IMMP1L: variants seen among roughly 807,000 people sequenced by gnomAD.
The protein encoded by IMMP1L is inner mitochondrial membrane peptidase subunit 1, also known as mitochondrial inner membrane protease subunit 1.
Under a neutral mutation model 21.8 loss-of-function variants are expected in IMMP1L, and 24 were observed. The ratio of observed to expected loss-of-function variants is 1.10; its 90% confidence interval spans 0.80 to 1.55. The LOEUF (loss-of-function observed/expected upper bound fraction) is 1.55. Ranked by LOEUF, IMMP1L falls within the 40% of genes most tolerant of loss-of-function variation. The pLI is 0.00. For missense variants in IMMP1L, 195 were observed against 200.7 expected, an observed-to-expected ratio of 0.97 and a Z score of 0.17; for synonymous variants, 46 against 62.8, an observed-to-expected ratio of 0.73 and a Z score of 1.26.
chr11:31,453,154 TG>T, intron 4 of IMMP1L: 1 of 1,253,774 alleles, frequency 8.0e-7, no homozygotes, highest in Non-Finnish European at 1.0e-6. Flanking sequence ...TTTAAAACTC[TG>T]GAATGGAAAA....
chr11:31,501,961 G>A (rs1037166749), intron 1 of IMMP1L, among the ~76,000 whole-genome samples: 2 of 151,310 alleles, frequency 1.3e-5, no homozygotes, highest in Non-Finnish European at 2.9e-5. Flanking sequence ...CTGGGCAACA[G>A]AGTAAGACTG....
chr11:31,433,895 G>A (rs1031876333), intron 4 of IMMP1L: 2 of 182,212 alleles, frequency 1.1e-5, no homozygotes, highest in Non-Finnish European at 2.3e-5. Flanking sequence ...CTTCAAAAGA[G>A]GTCATTAGGA....
At chr11:31,479,692 T>C (rs1291695473) in intron 1 of IMMP1L, among the ~76,000 whole-genome samples, 2 of 152,002 alleles carry the variant, frequency 1.3e-5, no homozygotes, top group Non-Finnish European at 2.9e-5. Flanking sequence ...ATGTTTATAT[T>C]GATTACGTAT....
At chr11:31,497,532 G>T (rs759836009) in intron 1 of IMMP1L, among the ~76,000 whole-genome samples, 1 of 146,702 alleles carries the variant, frequency 6.8e-6, no homozygotes, top group African/African-American at 2.5e-5. Context: ...TGCGATCTCC[G>T]CTCACCGCAA....
At chr11:31,456,185 A>G in intron 4 of IMMP1L, 75 bp downstream of exon 4, 2 of 1,034,124 alleles carry the variant, frequency 1.9e-6, no homozygotes, top group Non-Finnish European at 2.7e-6. Flanking sequence ...AATAAACATT[A>G]TTTTCTTTTG....
chr11:31,458,681 A>G (rs1954030945), intron 3 of IMMP1L, among the ~76,000 whole-genome samples: 1 of 152,186 alleles, frequency 6.6e-6, no homozygotes, highest in South Asian at 2.1e-4. Flanking sequence ...GGACAGTAAT[A>G]TTTCTTAAGT....
At chr11:31,460,585 A>G (rs761658032) in intron 3 of IMMP1L, 41 bp downstream of exon 3, 4 of 1,245,854 alleles carry the variant, frequency 3.2e-6, no homozygotes, top group Non-Finnish European at 3.5e-6. Context: ...GTGTGTGTGT[A>G]TTTTCACTGT....
At chr11:31,469,198 T>C (rs1954461940) in intron 1 of IMMP1L, among the ~76,000 whole-genome samples, 1 of 152,096 alleles carries the variant, frequency 6.6e-6, no homozygotes. Flanking sequence ...TGCTATAAAA[T>C]AGTACTAAAT....
intron 1 of IMMP1L, among the ~76,000 whole-genome samples, chr11:31,479,311 T>C (rs928928896): frequency 6.6e-6 from 1 of 152,018 alleles, no homozygotes; most frequent in Non-Finnish European, 1.5e-5. Context: ...AACATATCTG[T>C]ACAATGTCTG....
intron 4 of IMMP1L, chr11:31,437,045 A>T: frequency 2.9e-6 from 1 of 340,824 alleles, no homozygotes; most frequent in Non-Finnish European, 5.9e-6. Flanking sequence ...ATCTAACAAG[A>T]TCTCTATAAA....
At chr11:31,491,319 A>G (rs1353748063) in intron 1 of IMMP1L, among the ~76,000 whole-genome samples, 2 of 152,242 alleles carry the variant, frequency 1.3e-5, no homozygotes, top group Non-Finnish European at 2.9e-5. Flanking sequence ...TAAAGAATAC[A>G]TACATTATCA....
At position 31,500,915 on chromosome 11, in the gene IMMP1L, C is replaced by A. The variant is rs184329181; in HGVS notation, c.-30+8604G>T. Among the ~76,000 whole-genome samples the A allele has an allele frequency of 3.0e-3, 451 of 152,216 alleles. 2 individuals carry two copies. The highest frequency in any genetic ancestry group is 1.0e-2 in the African/African-American group (415 of 41,522). ...AGGCCTAAAATATTTACTATTTGGT[C>A]TTTTATAGAAAAAGGTTGCCAAAGC... On this transcript the variant is annotated intron_variant, in intron 1 of 5. Coordinates refer to ENST00000532287, the MANE Select transcript of IMMP1L (RefSeq NM_001304274.2).
chr11:31,477,523 T>A, intron 1 of IMMP1L: 3 of 984,420 alleles, frequency 3.0e-6, no homozygotes, highest in Non-Finnish European at 3.6e-6. Context: ...TGTTGTTGTT[T>A]ATAAAATTAA....
At chr11:31,443,896 AAC>A (rs1159390684) in intron 4 of IMMP1L, among the ~76,000 whole-genome samples, 3 of 152,152 alleles carry the variant, frequency 2.0e-5, no homozygotes, top group South Asian at 2.1e-4. Context: ...GCTTTTTACT[AAC>A]AGTCTCTCTT....
At chr11:31,489,192 C>T (rs979408848) in intron 1 of IMMP1L, among the ~76,000 whole-genome samples, 4 of 152,114 alleles carry the variant, frequency 2.6e-5, no homozygotes, top group East Asian at 3.9e-4. Context: ...TCACCGCACC[C>T]GGCCAAAAAG....
chr11:31,467,225 T>A (rs988619131), intron 1 of IMMP1L, among the ~76,000 whole-genome samples: 11 of 152,138 alleles, frequency 7.2e-5, no homozygotes, highest in African/African-American at 2.7e-4. Context: ...ATTTGAGTTA[T>A]CAAAACAAAT....
At chr11:31,458,354 A>G (rs1218201377) in intron 3 of IMMP1L, among the ~76,000 whole-genome samples, 2 of 152,148 alleles carry the variant, frequency 1.3e-5, no homozygotes, top group Non-Finnish European at 2.9e-5. Context: ...TTTGAAAACT[A>G]GTGTCAATTA....
At chr11:31,466,228 AGATT>A (rs1342405672) in intron 1 of IMMP1L, among the ~76,000 whole-genome samples, 5 of 152,224 alleles carry the variant, frequency 3.3e-5, no homozygotes, top group Admixed American at 6.6e-5. Flanking sequence ...TACCACAGTT[AGATT>A]GATTATTATC....
intron 1 of IMMP1L, chr11:31,477,564 G>T (rs573053830): frequency 3.0e-6 from 3 of 984,618 alleles, no homozygotes; most frequent in Non-Finnish European, 3.6e-6. Context: ...ATAGCTTTGA[G>T]CTTCATGAAT....
Sources: gnomAD v4.1 joint callset for allele counts (sites outside exome capture counted in the v4.1 genomes callset) on GRCh38, gnomAD v4.1.1 for gene constraint, MANE v1.5 for transcripts, NCBI Gene and HGNC (gene_info 2026-07-23, HGNC 2026-07-21) for gene names.